NR4A1: variants seen among roughly 807,000 people sequenced by gnomAD.
NR4A1 encodes the protein nuclear receptor subfamily 4 group A member 1.
In NR4A1, 24 loss-of-function variants were observed where a neutral mutation model predicts 47.5. The ratio of observed to expected loss-of-function variants is 0.50; its 90% CI spans 0.37 to 0.71. The LOEUF (loss-of-function observed/expected upper bound fraction) is 0.71, where lower values mean the gene tolerates loss of function less well. NR4A1 is among the 30% of genes least tolerant of loss of function. The probability of loss-of-function intolerance (pLI) is 0.00; values close to 1 mark genes in which losing one functional copy is unlikely to be tolerated. For synonymous variants in NR4A1, 353 were observed against 345.7 expected, an observed-to-expected ratio of 1.02 and a Z score of -0.24; for missense variants, 669 against 788.6, an observed-to-expected ratio of 0.85 and a Z score of 1.82.
intron 1 of NR4A1, among the ~76,000 whole-genome samples, chr12:52,027,663 T>C (rs1458704464): frequency 6.6e-6 from 1 of 152,106 alleles, no homozygotes; most frequent in Non-Finnish European, 1.5e-5. Flanking sequence ...GGGCTGCAGG[T>C]GTCATTCCAG....
At chr12:52,036,091 C>T (rs1242311793) in intron 1 of NR4A1, among the ~76,000 whole-genome samples, 3 of 152,194 alleles carry the variant, frequency 2.0e-5, no homozygotes, top group African/African-American at 7.2e-5. Flanking sequence ...TGGTAACCCC[C>T]AACCCCACCC....
At chr12:52,037,077 C>G in intron 1 of NR4A1, 1 of 151,118 alleles carries the variant, frequency 6.6e-6, no homozygotes, top group Non-Finnish European at 1.5e-5. Context: ...CGTCGGCCGC[C>G]GCCGCCGGGA....
At chr12:52,048,162 CAAAAACA>C (rs1311009315), upstream of NR4A1, among the ~76,000 whole-genome samples, 3 of 151,002 alleles carry the variant, frequency 2.0e-5, no homozygotes, top group Admixed American at 6.6e-5. Context: ...CAAAACAAAA[CAAAAACA>C]AAAAACAAAA....
rs556228551 is a variant in NR4A1, at chr12:52,041,677, G to T, written c.-83-133G>T. 3.4e-5 allele frequency: 35 copies of T among 1,036,556 alleles called. No homozygotes were observed. The African/African-American group carries it at 5.4e-4, about 16-fold the overall frequency. 64.2% of individuals were successfully genotyped at this position (1,036,556 alleles called of 1,614,324 possible). ...ATGCCTAACCCGGGGAGGTCCTTGG[G>T]CGCTGGCTTGTCCCCCTCTTGTGGC... On this transcript the variant is annotated intron_variant, in intron 1 of 7. Transcript: ENST00000360284.
rs60552358 is a variant in NR4A1, at chr12:52,052,268, C to CGTGTGTGTGTGTGT, written c.-3+724_-3+737dup. ...ATTGATTTCGCTGGGGCTTGGATCA[C>CGTGTGTGTGTGTGT]GTGTGTGTGTGTGTGTGTGTGTGTG... On this transcript the variant is annotated intron_variant, in intron 1 of 6. Transcript: ENST00000394825. Among the ~76,000 whole-genome samples, 71 of 129,986 alleles carry CGTGTGTGTGTGTGT rather than the reference C, an allele frequency of 5.5e-4. 1 individual carries two copies. Among genetic ancestry groups the CGTGTGTGTGTGTGT allele is most frequent in the African/African-American group, 2.1e-3 (64 of 31,158 alleles). 85.3% of individuals were successfully genotyped at this position (129,986 alleles called of 152,430 possible). A position where few individuals can be genotyped will look rare whatever the true frequency, so the allele number is the denominator to read the frequency against.
chr12:52,028,298 G>A (rs546476706), intron 1 of NR4A1, among the ~76,000 whole-genome samples: 8 of 152,058 alleles, frequency 5.3e-5, no homozygotes, highest in South Asian at 2.1e-4. Flanking sequence ...TTAAGGGGCC[G>A]GGAGCAGTGG....
At chr12:52,030,732 T>C (rs114789351) in intron 1 of NR4A1, among the ~76,000 whole-genome samples, 68 of 152,204 alleles carry the variant, frequency 4.5e-4, no homozygotes, top group African/African-American at 1.6e-3. Flanking sequence ...CCTGGCCTAC[T>C]TAACCTTTTA....
Position 52,057,358 on chromosome 12 carries a change from G to A in NR4A1, c.1368G>A (p.Lys456=), listed in dbSNP as rs141021237. Residue 456 remains lysine (K), a synonymous_variant, in exon 6 of 7, where the codon AAG becomes AAA. Coordinates refer to ENST00000394825, the MANE Select transcript of NR4A1 (RefSeq NM_173157.3). Reference sequence around the variant, plus strand: ...GTGCCCATCTGCCTGCCAGGTCTAAGCCAGGCGAGGGCAAGCTCATCTTCT... The same window carrying A: ...GTGCCCATCTGCCTGCCAGGTCTAAACCAGGCGAGGGCAAGCTCATCTTCT... The part of the protein sequence containing the change: ...LFILRLAYRS[K]PGEGKLIFCS... The A allele has an allele frequency of 3.1e-6, 5 of 1,614,176 alleles. No individual in the cohort carries two copies. In the African/African-American group the frequency reaches 6.7e-5, roughly 22 times the overall value.
chr12:52,053,638 C>T (rs1340530753), intron 1 of NR4A1: 1 of 152,342 alleles, frequency 6.6e-6, no homozygotes, highest in Non-Finnish European at 1.5e-5. Flanking sequence ...GAGTGGCTTC[C>T]CAGCCCCAGA....
intron 1 of NR4A1, among the ~76,000 whole-genome samples, chr12:52,025,870 A>C (rs1021282561): frequency 8.5e-5 from 13 of 152,120 alleles, no homozygotes; most frequent in African/African-American, 2.2e-4. Flanking sequence ...GCCGCAGGGG[A>C]TCCTGCTGGG....
intron 3 of NR4A1, 161 bp from the exon 4 acceptor site, chr12:52,056,333 G>A: frequency 1.5e-6 from 2 of 1,360,012 alleles, no homozygotes; most frequent in Non-Finnish European, 2.0e-6. Context: ...TGGATTGTGA[G>A]GGTGGTGGCA....
intron 6 of NR4A1, 103 bp downstream of exon 6, chr12:52,057,633 G>A: frequency 7.4e-7 from 1 of 1,357,278 alleles, no homozygotes; most frequent in Non-Finnish European, 1.0e-6. Flanking sequence ...CCGGGATCTA[G>A]CACTTTCTGG....
At chr12:52,041,677 G>A in intron 1 of NR4A1, 1 of 1,036,556 alleles carries the variant, frequency 9.6e-7, no homozygotes. Flanking sequence ...AGGTCCTTGG[G>A]CGCTGGCTTG....
chr12:52,041,378 C>T (rs1938430622), intron 1 of NR4A1, among the ~76,000 whole-genome samples: 1 of 152,112 alleles, frequency 6.6e-6, no homozygotes, highest in South Asian at 2.1e-4. Context: ...GAGCCCCTGT[C>T]TCTTGGGGGC....
chr12:52,047,971 G>A (rs151293403), upstream of NR4A1, among the ~76,000 whole-genome samples: 142 of 149,420 alleles, frequency 9.5e-4, 2 homozygotes, highest in African/African-American at 3.0e-3. Context: ...TGGTTAACAC[G>A]GTGAAACCCC....
rs45496793 is a variant in NR4A1 at position 52,058,973 on chromosome 12, C to A, written c.*29C>A. 1.3e-6 allele frequency: 2 copies of A among 1,591,838 alleles called. No individual in the cohort carries two copies. Among genetic ancestry groups the A allele is most frequent in the Non-Finnish European group, 1.7e-6 (2 of 1,164,478 alleles). ...CTGCCTGGGAACACGTGTGCACATG[C>A]GCACTCTCATATGCCACCCCATGTG... is the stretch of plus-strand genomic sequence containing the variant. On this transcript the variant is annotated 3_prime_UTR_variant, in exon 7 of 7. Transcript: ENST00000394825.
At chr12:52,037,842 G>C in intron 1 of NR4A1, 2 of 985,410 alleles carry the variant, frequency 2.0e-6, no homozygotes, top group South Asian at 9.4e-5. Context: ...ACCAAGGCTG[G>C]GGGTCTCGTG....
At chr12:52,055,460 G>A (rs1316415126) in intron 2 of NR4A1, 2 of 589,978 alleles carry the variant, frequency 3.4e-6, no homozygotes, top group Admixed American at 3.1e-5. Flanking sequence ...GCAGATAGGA[G>A]CTGCAGGGGT....
intron 1 of NR4A1, 130 bp downstream of exon 1, chr12:52,051,698 A>G (rs2120414945): frequency 1.6e-6 from 1 of 607,964 alleles, no homozygotes; most frequent in South Asian, 7.2e-5. Context: ...CAGCTGTAGC[A>G]CAACGGGATG....
Sources: allele counts gnomAD v4.1 joint callset (sites outside exome capture counted in the v4.1 genomes callset), GRCh38; gene constraint gnomAD v4.1.1; transcripts MANE v1.5; gene names NCBI Gene and HGNC (gene_info 2026-07-23, HGNC 2026-07-21).